GRID1: variants seen among roughly 807,000 people sequenced by gnomAD.
GRID1 encodes glutamate receptor ionotropic, delta-1.
GRID1 carries 28 observed loss-of-function variants against 98.0 expected under a neutral mutation model. The observed-to-expected ratio is 0.29, with a 90% confidence interval of 0.21 to 0.39. The LOEUF (loss-of-function observed/expected upper bound fraction) is 0.39. GRID1 is among the 10% of genes least tolerant of loss of function. The pLI is 1.00. For synonymous variants in GRID1, 553 were observed against 538.5 expected, an observed-to-expected ratio of 1.03 and a Z score of -0.37; for missense variants, 1,111 against 1,340.5, an observed-to-expected ratio of 0.83 and a Z score of 2.67.
chr10:85,967,646 G>T (rs1007678808), intron 4 of GRID1, among the ~76,000 whole-genome samples: 19 of 152,188 alleles, frequency 1.2e-4, no homozygotes, highest in Admixed American at 2.6e-4. Flanking sequence ...TAAAGAGACA[G>T]AAATTATATT....
At chr10:85,933,309 A>C (rs1345573512) in intron 4 of GRID1, among the ~76,000 whole-genome samples, 4 of 128,944 alleles carry the variant, frequency 3.1e-5, no homozygotes, top group East Asian at 2.4e-4. Flanking sequence ...AAAAAAAAAA[A>C]AAACTTATTT....
intron 2 of GRID1, among the ~76,000 whole-genome samples, chr10:86,207,485 G>A (rs956775557): frequency 3.9e-5 from 6 of 152,240 alleles, no homozygotes; most frequent in African/African-American, 9.6e-5. Context: ...TTGTAGCCAC[G>A]TGCGTACACT....
intron 12 of GRID1, among the ~76,000 whole-genome samples, chr10:85,668,115 C>A (rs1178175512): frequency 6.6e-6 from 1 of 152,208 alleles, no homozygotes; most frequent in Non-Finnish European, 1.5e-5. Flanking sequence ...TTGGCACGTG[C>A]ATTCCACAGC....
At chr10:86,172,400 A>C (rs759436874) in intron 3 of GRID1, among the ~76,000 whole-genome samples, 25 of 152,154 alleles carry the variant, frequency 1.6e-4, no homozygotes, top group Non-Finnish European at 2.9e-4. Flanking sequence ...ATTCATGCAT[A>C]CACCTACTTT....
intron 8 of GRID1, among the ~76,000 whole-genome samples, chr10:85,761,639 G>A (rs1421936580): frequency 2.0e-5 from 3 of 152,190 alleles, no homozygotes; most frequent in Non-Finnish European, 2.9e-5. Flanking sequence ...AGTTCTAAAC[G>A]GTGCTAGCCA....
chr10:85,731,742 C>G (rs564169830), intron 8 of GRID1, among the ~76,000 whole-genome samples: 2 of 143,660 alleles, frequency 1.4e-5, no homozygotes, highest in South Asian at 4.3e-4. Context: ...GTCAAGACTG[C>G]AGGGAGCCAC....
At chr10:86,295,870 T>C (rs1424882638) in intron 2 of GRID1, among the ~76,000 whole-genome samples, 1 of 152,134 alleles carries the variant, frequency 6.6e-6, no homozygotes, top group East Asian at 1.9e-4. Context: ...ACCAACAAGA[T>C]CTAGAAAGCA....
chr10:85,925,402 C>T (rs1841760771), intron 4 of GRID1, among the ~76,000 whole-genome samples: 2 of 152,186 alleles, frequency 1.3e-5, no homozygotes, highest in African/African-American at 4.8e-5. Context: ...TTATTTATGC[C>T]CACCCTGGTT....
At chr10:85,851,248 G>A (rs1843055973) in intron 8 of GRID1, among the ~76,000 whole-genome samples, 1 of 152,132 alleles carries the variant, frequency 6.6e-6, no homozygotes, top group South Asian at 2.1e-4. Context: ...GCCAATGCCT[G>A]TGAGAGCTGG....
At chr10:86,139,051 A>G (rs1844973809) in intron 3 of GRID1, 27 bp from the exon 4 acceptor site, 3 of 1,543,502 alleles carry the variant, frequency 1.9e-6, no homozygotes, top group Non-Finnish European at 2.7e-6. Flanking sequence ...GAGGAGGAAA[A>G]GAAAAATCAT....
chr10:85,676,032 G>T lies in GRID1; in HGVS notation c.1998-28635C>A, dbSNP rs544521591. 8.5e-5 allele frequency among the ~76,000 whole-genome samples: 13 copies of T among 152,288 alleles called. No individual in the cohort carries two copies. In the South Asian group the frequency reaches 2.7e-3, roughly 32 times the overall value. ...GTGACCAAGTGGTTTTCGCTAAAAA[G>T]GCTGTGCAATGCCACAGGGATCACC... On this transcript the variant is annotated intron_variant, in intron 12 of 15. Coordinates refer to ENST00000327946, the MANE Select transcript of GRID1 (RefSeq NM_017551.3).
At chr10:85,944,181 C>A (rs1842027608) in intron 4 of GRID1, among the ~76,000 whole-genome samples, 1 of 152,242 alleles carries the variant, frequency 6.6e-6, no homozygotes, top group Non-Finnish European at 1.5e-5. Flanking sequence ...AACAGAACTT[C>A]CCGGCTGAGC....
chr10:86,275,847 G>GGAA (rs1270195836), intron 2 of GRID1, among the ~76,000 whole-genome samples: 8 of 151,996 alleles, frequency 5.3e-5, no homozygotes, highest in African/African-American at 1.9e-4. Flanking sequence ...GAGATAAAGG[G>GGAA]GAAGAAGAAT....
intron 4 of GRID1, among the ~76,000 whole-genome samples, chr10:85,992,655 A>G (rs185707220): frequency 6.6e-6 from 1 of 152,252 alleles, no homozygotes; most frequent in East Asian, 1.9e-4. Flanking sequence ...TAAGCTAGAA[A>G]GAACTAGAAA....
At chr10:85,735,178 T>G (rs1282284607) in intron 8 of GRID1, among the ~76,000 whole-genome samples, 2 of 152,184 alleles carry the variant, frequency 1.3e-5, no homozygotes, top group Non-Finnish European at 2.9e-5. Flanking sequence ...ACAGGATCGA[T>G]GAATTTATGG....
At position 85,965,124 on chromosome 10, in the gene GRID1, AAGTC is replaced by A. The variant is rs1842320287; in HGVS notation, c.727-48889_727-48886del. ...GCCAGTTAGAATGGCAATCATTGAA[AAGTC>A]AGGAAACAACAGGTGCTGGAGAGGA... On this transcript the variant is annotated intron_variant, in intron 4 of 15. Transcript: ENST00000327946. Among the ~76,000 whole-genome samples the A allele has an allele frequency of 3.3e-5, 5 of 152,372 alleles. No individual in the cohort carries two copies. In the South Asian group the frequency reaches 1.0e-3, roughly 32 times the overall value.
At chr10:86,337,777 G>C (rs1030142165) in intron 2 of GRID1, among the ~76,000 whole-genome samples, 1 of 131,654 alleles carries the variant, frequency 7.6e-6, no homozygotes, top group East Asian at 2.4e-4. Flanking sequence ...ACATGATCTC[G>C]GCTCACTGAA....
At chr10:86,167,780 A>C (rs182141148) in intron 3 of GRID1, among the ~76,000 whole-genome samples, 1 of 152,220 alleles carries the variant, frequency 6.6e-6, no homozygotes. Context: ...TGCCTTTCTC[A>C]CAGAAGCACC....
chr10:85,857,824 C>T (rs1843127736), intron 6 of GRID1, among the ~76,000 whole-genome samples: 1 of 152,200 alleles, frequency 6.6e-6, no homozygotes, highest in Non-Finnish European at 1.5e-5. Context: ...CAGCCTCACC[C>T]CTACTCTCCT....
Sources: allele counts gnomAD v4.1 joint callset (sites outside exome capture counted in the v4.1 genomes callset), GRCh38; gene constraint gnomAD v4.1.1; transcripts MANE v1.5; gene names NCBI Gene and HGNC (gene_info 2026-07-23, HGNC 2026-07-21).